FAM200B: variants seen among roughly 807,000 people sequenced by gnomAD.
FAM200B encodes zinc finger BED-type containing 11.
A neutral mutation model predicts 33.1 loss-of-function variants in FAM200B; 32 were observed. The ratio of observed to expected loss-of-function variants is 0.97; its 90% CI spans 0.73 to 1.30. The LOEUF is 1.30. Ranked by LOEUF, FAM200B falls within the 50% of genes most tolerant of loss-of-function variation. The pLI is 0.00. For synonymous variants in FAM200B, 240 were observed against 264.8 expected (o/e 0.91, Z 0.91); for missense variants, 741 against 754.0 (o/e 0.98, Z 0.20).
Position 15,687,236 on chromosome 4 carries a change from G to A in FAM200B, c.259G>A (p.Val87Ile). The A allele has an allele frequency of 6.5e-7, 1 of 1,543,630 alleles. No individual in the cohort carries two copies. Among genetic ancestry groups the A allele is most frequent in the Non-Finnish European group, 8.7e-7 (1 of 1,144,398 alleles). ...KPFENDRPQCVICNNILANES... is the reference protein window; with the variant it reads ...KPFENDRPQCIICNNILANES... Reference sequence around the variant, plus strand: ...CTTTGAAAATGACAGACCTCAGTGTGTTATTTGTAATAATATTCTTGCGAA... The same window carrying A: ...CTTTGAAAATGACAGACCTCAGTGTATTATTTGTAATAATATTCTTGCGAA... Residue 87 changes from valine to isoleucine, a missense_variant, in exon 2 of 2, where the codon GTT becomes ATT. Transcript: ENST00000422728.
the FAM200B span, among the ~76,000 whole-genome samples, chr4:15,639,965 A>G: frequency 2.9e-4 from 44 of 152,352 alleles, no homozygotes; most frequent in East Asian, 2.3e-3. Context: ...TAGAGACAGA[A>G]GAAAAAGGGA....
the FAM200B span, among the ~76,000 whole-genome samples, chr4:15,668,551 C>G: frequency 6.6e-6 from 1 of 151,164 alleles, no homozygotes; most frequent in Non-Finnish European, 1.5e-5. Context: ...CAACATCGTA[C>G]AAGTCACATT....
chr4:15,648,095 G>C, the FAM200B span, among the ~76,000 whole-genome samples: 2 of 152,220 alleles, frequency 1.3e-5, no homozygotes, highest in African/African-American at 4.8e-5. Flanking sequence ...GGCTTCAAGC[G>C]ATCCTCCTGA....
At chr4:15,655,391 CCCGTCGGCGCGCGCGCCCGGTCGGCTTGG>C in the FAM200B span, 3 of 1,043,218 alleles carry the variant, frequency 2.9e-6, no homozygotes, top group Non-Finnish European at 3.5e-6. Context: ...ATGCGCCCGC[CCCGTCGGCGCGCGCGCCCGGTCGGCTTGG>C]CCGGCGGGGA....
Position 15,688,159 on chromosome 4 carries a change from A to G in FAM200B, c.1182A>G (p.Ile394Met). The change falls in exon 2 of 2, where the codon ATA (isoleucine) becomes ATG (methionine). Residue 394 changes from isoleucine to methionine, a missense_variant. Coordinates refer to ENST00000422728, the MANE Select transcript of FAM200B (RefSeq NM_001145191.2). ...TKIRWLSQGKILSRVYELRNE... is the reference protein window; with the variant it reads ...TKIRWLSQGKMLSRVYELRNE... ...TTCGTTGGTTGTCTCAAGGGAAAAT[A>G]CTAAGCAGGGTTTATGAGCTCAGGA... 2 of 1,551,300 alleles carry G rather than the reference A, an allele frequency of 1.3e-6. No homozygotes were observed. The highest frequency in any genetic ancestry group is 1.2e-5 in the South Asian group (1 of 84,052).
Position 15,687,079 on chromosome 4 carries a change from T to C in FAM200B, c.102T>C (p.Asn34=). ...AATCTGGAATTGTGAATAGTGACAA[T>C]ATTGAGAAAAATACTGACTCCAATC... ...SVESGIVNSD[N]IEKNTDSNLQ... Residue 34 remains asparagine, a synonymous_variant, in exon 2 of 2, where the codon AAT becomes AAC. Transcript: ENST00000422728. 1 of 1,546,958 alleles carries C rather than the reference T, an allele frequency of 6.5e-7. No individual in the cohort carries two copies. The highest frequency in any genetic ancestry group is 8.7e-7 in the Non-Finnish European group (1 of 1,144,540).
chr4:15,636,796 G>A, the FAM200B span: 1 of 677,206 alleles, frequency 1.5e-6, no homozygotes, highest in Non-Finnish European at 2.4e-6. Flanking sequence ...CTGCTTGCAA[G>A]ATGTGAAAAT....
chr4:15,649,578 CAAA>C, the FAM200B span, among the ~76,000 whole-genome samples: 2 of 81,372 alleles, frequency 2.5e-5, no homozygotes, highest in African/African-American at 4.4e-5. Flanking sequence ...GACTACGTCT[CAAA>C]AAAAAAAAAA....
the FAM200B span, among the ~76,000 whole-genome samples, chr4:15,670,783 G>T: frequency 5.3e-5 from 8 of 151,864 alleles, no homozygotes; most frequent in Non-Finnish European, 1.0e-4. Context: ...GGTCCCTAGT[G>T]TATTTCTACC....
the FAM200B span, among the ~76,000 whole-genome samples, chr4:15,674,871 G>A: frequency 7.2e-5 from 11 of 152,066 alleles, no homozygotes; most frequent in Admixed American, 5.2e-4. Context: ...GGATGGTCTC[G>A]ATCTCCTGAC....
the FAM200B span, among the ~76,000 whole-genome samples, chr4:15,666,555 G>A: frequency 0.012 from 1,777 of 151,180 alleles, 30 homozygotes; most frequent in Non-Finnish European, 0.017. Flanking sequence ...CAGGTAGACA[G>A]GAGGAATAGG....
In FAM200B at chr4:15,688,068, G is replaced by A. The variant is rs200305318; in HGVS notation, c.1091G>A (p.Arg364Gln). 770 of 1,551,050 alleles carry A rather than the reference G, an allele frequency of 5.0e-4. 7 individuals are homozygous for A. The highest frequency in any genetic ancestry group is 4.9e-3 in the South Asian group (412 of 83,994). The change falls in exon 2 of 2, where the codon CGG (arginine) becomes CAG (glutamine). Residue 364 changes from arginine (R) to glutamine (Q), a missense_variant. Physicochemically the swap from Arg to Gln is conservative, Grantham distance 43. Coordinates refer to ENST00000422728, the MANE Select transcript of FAM200B (RefSeq NM_001145191.2). Reference protein sequence around the residue: ...NFIKGSSLNSRLLETFCSEIG... With the variant: ...NFIKGSSLNSQLLETFCSEIG... ...ATTAAAGGAAGCTCATTGAATAGCC[G>A]GCTTCTTGAAACATTTTGTTCAGAG...
chr4:15,680,104 T>C (rs1215335705), upstream of FAM200B, among the ~76,000 whole-genome samples: 2 of 149,892 alleles, frequency 1.3e-5, no homozygotes. Context: ...ATCCAGAATA[T>C]ACAGTAAAAC....
Position 15,687,659 on chromosome 4 carries a change from C to G in FAM200B, c.682C>G (p.Gln228Glu). ...RLQSGIDFAI[Q>E]LDESTDIGSC... Reference sequence around the variant, plus strand: ...ACAGTCTGGTATAGATTTTGCAATCCAGCTTGATGAAAGCACTGATATTGG... The same window carrying G: ...ACAGTCTGGTATAGATTTTGCAATCGAGCTTGATGAAAGCACTGATATTGG... The change falls in exon 2 of 2, where the codon CAG becomes GAG. Residue 228 changes from glutamine (Q) to glutamate (E), a missense_variant. Coordinates refer to ENST00000422728, the MANE Select transcript of FAM200B (RefSeq NM_001145191.2). The G allele has an allele frequency of 6.4e-7, 1 of 1,551,096 alleles. No homozygotes were observed. The highest frequency in any genetic ancestry group is 8.7e-7 in the Non-Finnish European group (1 of 1,146,670).
the FAM200B span, among the ~76,000 whole-genome samples, chr4:15,660,665 G>A: frequency 6.6e-6 from 1 of 152,150 alleles, no homozygotes; most frequent in Non-Finnish European, 1.5e-5. Flanking sequence ...GGACACTTTT[G>A]AGTGATAAAA....
the FAM200B span, among the ~76,000 whole-genome samples, chr4:15,642,505 G>A: frequency 1.3e-5 from 2 of 152,078 alleles, no homozygotes; most frequent in African/African-American, 4.8e-5. Context: ...CAAAATGCTA[G>A]AATTACACGG....
chr4:15,655,184 G>A, the FAM200B span: 2 of 1,386,314 alleles, frequency 1.4e-6, no homozygotes, highest in Non-Finnish European at 1.9e-6. Flanking sequence ...CCCACAGCGG[G>A]AGGCTCAGCG....
the FAM200B span, among the ~76,000 whole-genome samples, chr4:15,670,224 A>G: frequency 1.2e-4 from 19 of 152,348 alleles, no homozygotes; most frequent in East Asian, 1.9e-4. Context: ...TAGAGCTACA[A>G]TGGACATTTG....
At chr4:15,676,411 T>C in the FAM200B span, among the ~76,000 whole-genome samples, 2 of 152,168 alleles carry the variant, frequency 1.3e-5, no homozygotes, top group South Asian at 4.1e-4. Flanking sequence ...ATCAGACAAA[T>C]GACCTAATCT....
Sources: allele counts gnomAD v4.1 joint callset (sites outside exome capture counted in the v4.1 genomes callset), GRCh38; gene constraint gnomAD v4.1.1; transcripts MANE v1.5; gene names NCBI Gene and HGNC (gene_info 2026-07-23, HGNC 2026-07-21).